The following SGCD variants were observed in gnomAD, a reference collection of about 807,000 sequenced individuals.
SGCD encodes sarcoglycan delta.
A neutral mutation model predicts 36.6 loss-of-function variants in SGCD; 18 were observed. The ratio of observed to expected loss-of-function variants is 0.49; its 90% CI spans 0.34 to 0.73. The LOEUF (loss-of-function observed/expected upper bound fraction) is 0.73. Among genes scored for constraint, SGCD ranks in the 30% least tolerant of loss-of-function variants. SGCD has a pLI of 0.01. For synonymous variants in SGCD, 133 were observed against 130.6 expected (o/e 1.02, Z -0.12); for missense variants, 387 against 346.7 (o/e 1.12, Z -0.92).
At chr5:156,367,377 A>T (rs1019050053) in intron 3 of SGCD, among the ~76,000 whole-genome samples, 3 of 150,658 alleles carry the variant, frequency 2.0e-5, no homozygotes, top group African/African-American at 7.5e-5. Context: ...AATTTTTTTT[A>T]AAACAACAAC....
intron 1 of SGCD, among the ~76,000 whole-genome samples, chr5:156,023,648 T>C (rs969553150): frequency 1.3e-5 from 2 of 152,166 alleles, no homozygotes; most frequent in Non-Finnish European, 2.9e-5. Context: ...TGCCAAAGTG[T>C]TGAGATGGGC....
chr5:155,887,959 A>T (rs1249211455), intron 1 of SGCD, among the ~76,000 whole-genome samples: 1 of 152,202 alleles, frequency 6.6e-6, no homozygotes, highest in African/African-American at 2.4e-5. Context: ...TAAAGATGAG[A>T]AATACGAAAC....
At chr5:156,629,641 A>G (rs1762556424) in intron 6 of SGCD, among the ~76,000 whole-genome samples, 2 of 152,210 alleles carry the variant, frequency 1.3e-5, no homozygotes, top group Admixed American at 6.5e-5. Context: ...AGGGCCAGAT[A>G]GTAAATATTT....
At chr5:155,808,979 C>T in the SGCD span, among the ~76,000 whole-genome samples, 10 of 152,226 alleles carry the variant, frequency 6.6e-5, no homozygotes, top group African/African-American at 2.4e-4. Context: ...GTTTTCATTG[C>T]ATTAGCTACT....
intron 3 of SGCD, among the ~76,000 whole-genome samples, chr5:156,239,148 C>A (rs1487666446): frequency 1.3e-5 from 2 of 151,870 alleles, no homozygotes; most frequent in African/African-American, 4.8e-5. Flanking sequence ...GCCTGTAATC[C>A]CAGCACTTTG....
intron 3 of SGCD, among the ~76,000 whole-genome samples, chr5:156,260,842 GA>G (rs1765840984): frequency 6.6e-6 from 1 of 152,018 alleles, no homozygotes; most frequent in Non-Finnish European, 1.5e-5. Context: ...TTATCAAGAG[GA>G]AATTCTTTCT....
At chr5:156,539,393 C>G (rs1026572997) in intron 4 of SGCD, among the ~76,000 whole-genome samples, 5 of 151,840 alleles carry the variant, frequency 3.3e-5, no homozygotes, top group Admixed American at 2.0e-4. Flanking sequence ...AATATGTAGT[C>G]TTCTATCCCT....
chr5:156,722,536 A>ATAAAT (rs2113783114), intron 7 of SGCD, among the ~76,000 whole-genome samples: 1 of 152,324 alleles, frequency 6.6e-6, no homozygotes, highest in South Asian at 2.1e-4. Context: ...ATTCACCATG[A>ATAAAT]TAAATTATTC....
At chr5:156,391,387 C>T (rs577410876) in intron 3 of SGCD, among the ~76,000 whole-genome samples, 6 of 152,302 alleles carry the variant, frequency 3.9e-5, no homozygotes, top group East Asian at 1.9e-4. Flanking sequence ...TGTGAAATGA[C>T]GCATGGCTGT....
rs79597853 is a variant in SGCD at position 156,169,664 on chromosome 5, A to G, written c.-44+45645A>G. ...AGAGAATGAGGTGGGGTGCTATTTC[A>G]GATCAAGTAAACAGAAGGTCACCAC... is the stretch of plus-strand genomic sequence containing the variant. On this transcript the variant is annotated intron_variant, in intron 3 of 9. Transcript: ENST00000517913. Among the ~76,000 whole-genome samples the G allele has an allele frequency of 5.9e-3, 899 of 152,334 alleles. 9 individuals are homozygous for G. The highest frequency in any genetic ancestry group is 0.021 in the African/African-American group (869 of 41,566).
At chr5:155,980,372 T>G (rs2127561926) in intron 1 of SGCD, among the ~76,000 whole-genome samples, 1 of 151,410 alleles carries the variant, frequency 6.6e-6, no homozygotes, top group Non-Finnish European at 1.5e-5. Flanking sequence ...GATCATGAGG[T>G]CAGGAGATGG....
chr5:156,044,406 G>C (rs1271904969), intron 1 of SGCD, among the ~76,000 whole-genome samples: 1 of 152,138 alleles, frequency 6.6e-6, no homozygotes, highest in Non-Finnish European at 1.5e-5. Context: ...ATTTTCATAG[G>C]GAGGTTGATT....
At chr5:156,450,288 G>A (rs1753948663) in intron 3 of SGCD, among the ~76,000 whole-genome samples, 2 of 151,990 alleles carry the variant, frequency 1.3e-5, no homozygotes, top group East Asian at 3.9e-4. Context: ...TCATCAATGG[G>A]AACCTAGGTG....
In SGCD at chr5:156,113,319, T is replaced by C. The variant is rs191701782; in HGVS notation, c.-281-4559T>C. ...CTCTGCTGCAAAACTGGAGGGAAGA[T>C]TTTTTTCCTTTGCATTTATTTATTT... On this transcript the variant is annotated intron_variant, in intron 1 of 9. Transcript: ENST00000517913. 4.4e-3 allele frequency among the ~76,000 whole-genome samples: 672 copies of C among 152,070 alleles called. 4 individuals are homozygous for C. Among genetic ancestry groups the C allele is most frequent in the African/African-American group, 0.016 (652 of 41,402 alleles).
chr5:156,156,664 C>T (rs1762972238), intron 3 of SGCD, among the ~76,000 whole-genome samples: 1 of 151,338 alleles, frequency 6.6e-6, no homozygotes, highest in African/African-American at 2.5e-5. Flanking sequence ...CTGTACAGAA[C>T]ACCCCAAACC....
the SGCD span, among the ~76,000 whole-genome samples, chr5:155,855,646 T>C: frequency 6.6e-6 from 1 of 152,162 alleles, no homozygotes; most frequent in Non-Finnish European, 1.5e-5. Flanking sequence ...AGACCAACAG[T>C]TCACATATTT....
intron 8 of SGCD, among the ~76,000 whole-genome samples, chr5:156,758,851 T>G (rs547465060): frequency 8.5e-5 from 13 of 152,278 alleles, no homozygotes; most frequent in African/African-American, 3.1e-4. Flanking sequence ...CTCTATTCTC[T>G]TCTTGAACAC....
chr5:156,198,564 A>G (rs868054476), intron 3 of SGCD, among the ~76,000 whole-genome samples: 6 of 152,144 alleles, frequency 3.9e-5, no homozygotes, highest in African/African-American at 9.6e-5. Context: ...CCTGACTTCA[A>G]CATCCTCACT....
chr5:155,838,925 C>G, the SGCD span, among the ~76,000 whole-genome samples: 3 of 152,024 alleles, frequency 2.0e-5, no homozygotes, highest in South Asian at 2.1e-4. Context: ...TTTAAGCCAG[C>G]TTTAGGGCAC....
Sources: allele counts gnomAD v4.1 joint callset (sites outside exome capture counted in the v4.1 genomes callset), GRCh38; gene constraint gnomAD v4.1.1; transcripts MANE v1.5; gene names NCBI Gene and HGNC (gene_info 2026-07-23, HGNC 2026-07-21).